The following SPAG16 variants were observed in gnomAD, a reference collection of about 807,000 sequenced individuals.
SPAG16 encodes sperm-associated antigen 16 protein.
In SPAG16, 86 loss-of-function variants were observed where a neutral mutation model predicts 80.4. The ratio of observed to expected loss-of-function variants is 1.07; its 90% CI spans 0.90 to 1.28. The LOEUF (loss-of-function observed/expected upper bound fraction) is 1.28. SPAG16 is among the 50% of genes most tolerant of loss of function. The pLI is 0.00. For missense variants in SPAG16, 870 were observed against 765.3 expected (o/e 1.14, Z -1.61); for synonymous variants, 294 against 265.9 (o/e 1.11, Z -1.03).
At chr2:213,286,888 TGTG>T (rs145255263) in intron 1 of SPAG16, among the ~76,000 whole-genome samples, 9,088 of 152,282 alleles carry the variant, frequency 0.06, 898 homozygotes, top group African/African-American at 0.21. Flanking sequence ...GGATCCATCT[TGTG>T]GGGGACATTA....
chr2:213,653,834 T>C (rs2063114482), intron 10 of SPAG16, among the ~76,000 whole-genome samples: 1 of 152,174 alleles, frequency 6.6e-6, no homozygotes, highest in East Asian at 1.9e-4. Context: ...ACTTGATATA[T>C]TCTATATATA....
At chr2:214,201,724 A>G (rs917707970) in intron 15 of SPAG16, among the ~76,000 whole-genome samples, 1 of 152,236 alleles carries the variant, frequency 6.6e-6, no homozygotes, top group Non-Finnish European at 1.5e-5. Flanking sequence ...AATAGATTAT[A>G]TGATATTCTC....
intron 15 of SPAG16, among the ~76,000 whole-genome samples, chr2:214,378,020 G>A (rs538245606): frequency 3.3e-5 from 5 of 152,278 alleles, no homozygotes; most frequent in East Asian, 1.9e-4. Context: ...TATCAGAGCC[G>A]AGAAAGGAGA....
chr2:214,406,428 CCACT>C (rs1198057922), intron 15 of SPAG16, among the ~76,000 whole-genome samples: 2 of 152,012 alleles, frequency 1.3e-5, no homozygotes, highest in Admixed American at 1.3e-4. Flanking sequence ...TAAAATTTTA[CCACT>C]CAATTTGTAT....
chr2:214,146,896 C>G (rs12329201), intron 14 of SPAG16, among the ~76,000 whole-genome samples: 130,070 of 151,864 alleles, frequency 0.86, 55,804 homozygotes, highest in Non-Finnish European at 0.88. Context: ...CAGCTACTCA[C>G]GAGGCTGAGG....
chr2:213,776,529 G>T (rs1021281555), intron 10 of SPAG16, among the ~76,000 whole-genome samples: 1 of 152,086 alleles, frequency 6.6e-6, no homozygotes, highest in Non-Finnish European at 1.5e-5. Context: ...CCAAGTTTGC[G>T]GTAATTTGCT....
chr2:214,201,855 T>A (rs1469761560), intron 15 of SPAG16, among the ~76,000 whole-genome samples: 1 of 152,132 alleles, frequency 6.6e-6, no homozygotes, highest in Non-Finnish European at 1.5e-5. Flanking sequence ...TTTATTTATT[T>A]TTATTTTTTA....
In SPAG16 at chr2:214,016,366, G is replaced by C. The variant is rs147842505; in HGVS notation, c.1527+2289G>C. Among the ~76,000 whole-genome samples, 3 of 152,248 alleles carry C rather than the reference G, an allele frequency of 2.0e-5. No homozygotes were observed. The East Asian group carries it at 5.8e-4, about 29-fold the overall frequency. On this transcript the variant is annotated intron_variant, in intron 13 of 15. Coordinates refer to ENST00000331683, the MANE Select transcript of SPAG16 (RefSeq NM_024532.5). ...TTTATAAAACCATCAGAGCTCGTGA[G>C]ACTTATTCACTATCACGAGAACAGC... is the stretch of plus-strand genomic sequence containing the variant.
intron 11 of SPAG16, among the ~76,000 whole-genome samples, chr2:213,929,492 C>T (rs1156410499): frequency 6.6e-6 from 1 of 152,204 alleles, no homozygotes; most frequent in African/African-American, 2.4e-5. Flanking sequence ...TGATTCACTT[C>T]TTCCTTCATC....
chr2:213,681,637 C>G (rs915948807), intron 10 of SPAG16, among the ~76,000 whole-genome samples: 1 of 152,056 alleles, frequency 6.6e-6, no homozygotes, highest in Admixed American at 6.6e-5. Context: ...AGACACATAA[C>G]AAAACATGGC....
chr2:213,708,440 GC>G (rs1429714799), intron 10 of SPAG16, among the ~76,000 whole-genome samples: 5 of 152,138 alleles, frequency 3.3e-5, no homozygotes, highest in Admixed American at 6.5e-5. Flanking sequence ...GGTGGCTCAT[GC>G]CTGTAATCCC....
At chr2:214,200,573 G>A (rs921085994) in intron 15 of SPAG16, among the ~76,000 whole-genome samples, 14 of 152,058 alleles carry the variant, frequency 9.2e-5, no homozygotes, top group African/African-American at 3.4e-4. Context: ...ACAAAGAGGG[G>A]GAGGTGAGAG....
rs566472207 is a variant in SPAG16 at position 213,654,026 on chromosome 2, A to G, written c.1070+163936A>G. Among the ~76,000 whole-genome samples the G allele has an allele frequency of 2.0e-5, 3 of 152,348 alleles. No individual in the cohort carries two copies. The South Asian group carries it at 6.2e-4, about 32-fold the overall frequency. ...AGAATAATAAAATTTGTCATTTTAT[A>G]AATATAGAAATTGATAGACTACAGA... is the stretch of plus-strand genomic sequence containing the variant. On this transcript the variant is annotated intron_variant, in intron 10 of 15. Transcript: ENST00000331683.
chr2:214,381,274 G>A (rs541663374), intron 15 of SPAG16, among the ~76,000 whole-genome samples: 1 of 152,218 alleles, frequency 6.6e-6, no homozygotes, highest in East Asian at 1.9e-4. Flanking sequence ...ATTTTCTACC[G>A]TTTCTGCATC....
At chr2:214,010,528 G>A (rs1319318833) in intron 12 of SPAG16, among the ~76,000 whole-genome samples, 2 of 146,446 alleles carry the variant, frequency 1.4e-5, no homozygotes, top group Admixed American at 6.7e-5. Flanking sequence ...GCTCTTGGGT[G>A]TAAACAGCAA....
At chr2:214,279,588 T>C (rs1692746359) in intron 15 of SPAG16, among the ~76,000 whole-genome samples, 1 of 152,034 alleles carries the variant, frequency 6.6e-6, no homozygotes, top group South Asian at 2.1e-4. Flanking sequence ...AATAGAGCTC[T>C]GGAGAGGAGA....
chr2:213,347,411 T>C (rs1287381540), intron 6 of SPAG16, among the ~76,000 whole-genome samples: 2 of 152,228 alleles, frequency 1.3e-5, no homozygotes, highest in Admixed American at 1.3e-4. Flanking sequence ...TCTTAGTTAT[T>C]TCTTGCCTTC....
intron 10 of SPAG16, among the ~76,000 whole-genome samples, chr2:213,843,819 C>T (rs1033100829): frequency 6.6e-6 from 1 of 152,116 alleles, no homozygotes; most frequent in Non-Finnish European, 1.5e-5. Context: ...CCACTGCACT[C>T]CAGCCTGGGC....
At chr2:213,349,364 CAA>C (rs760140091) in intron 6 of SPAG16, among the ~76,000 whole-genome samples, 6 of 152,000 alleles carry the variant, frequency 3.9e-5, no homozygotes, top group Middle Eastern at 3.2e-3. Flanking sequence ...AAAAAATCAA[CAA>C]AGTCAGATGT....
Sources: allele counts gnomAD v4.1 joint callset (sites outside exome capture counted in the v4.1 genomes callset), GRCh38; gene constraint gnomAD v4.1.1; transcripts MANE v1.5; gene names NCBI Gene and HGNC (gene_info 2026-07-23, HGNC 2026-07-21).